ENTPD5: variants seen among roughly 807,000 people sequenced by gnomAD.
The protein encoded by ENTPD5 is ectonucleoside triphosphate diphosphohydrolase 5 (inactive), also known as nucleoside diphosphate phosphatase ENTPD5.
Under a neutral mutation model 60.2 loss-of-function variants are expected in ENTPD5, and 49 were observed. That is an observed-to-expected ratio of 0.81 (90% CI 0.65 to 1.03). ENTPD5 has a LOEUF of 1.03. Among genes scored for constraint, ENTPD5 ranks in the 50% least tolerant of loss-of-function variants. The pLI, the probability that ENTPD5 is intolerant of heterozygous loss-of-function variation, is 0.00. For missense variants in ENTPD5, 480 were observed against 507.6 expected (o/e 0.95, Z 0.52); for synonymous variants, 187 against 185.4 (o/e 1.01, Z -0.07).
chr14:73,986,858 A>G lies in ENTPD5; in HGVS notation c.253T>C (p.Ser85Pro). 1.9e-6 allele frequency: 3 copies of G among 1,614,146 alleles called. No homozygotes were observed. In the South Asian group the frequency reaches 3.3e-5, roughly 18 times the overall value. ...AAAGCAGAAAGTCCTGGCTTCACAG[A>G]ATCAAAAACTTCCCCTTCTAGAATT... ...LPILEGEVFD[S>P]VKPGLSAFVD... Residue 85 changes from serine to proline, a missense_variant, in exon 5 of 16, where the codon TCT becomes CCT. Coordinates refer to ENST00000334696, the MANE Select transcript of ENTPD5 (RefSeq NM_001249.5).
intron 14 of ENTPD5, among the ~76,000 whole-genome samples, chr14:73,971,455 C>T (rs1448968969): frequency 6.6e-6 from 1 of 152,182 alleles, no homozygotes; most frequent in Non-Finnish European, 1.5e-5. Flanking sequence ...CCGTGCCCGG[C>T]CTCCTAAAAC....
chr14:74,011,504 T>G (rs1277448470), intron 2 of ENTPD5, among the ~76,000 whole-genome samples: 1 of 152,138 alleles, frequency 6.6e-6, no homozygotes, highest in African/African-American at 2.4e-5. Flanking sequence ...AATTCATAAG[T>G]AAAGTACACA....
At position 73,983,143 on chromosome 14, in the gene ENTPD5, C is replaced by T; in HGVS notation, c.316G>A (p.Gly106Arg). Residue 106 changes from glycine to arginine, a missense_variant, in exon 6 of 16, where the codon GGG (glycine) becomes AGG (arginine). Gly to Arg is a moderately radical substitution (Grantham distance 125). Transcript: ENST00000334696. ...QPKQGAETVQ[G>R]LLEVAKDSIP... ...GAGTCTTTGGCCACCTCTAAGAGCC[C>T]TTGAACGGTCTCAGCACCCTTCAAA... 6.2e-7 allele frequency: 1 copy of T among 1,613,850 alleles called. No homozygotes were observed. The highest frequency in any genetic ancestry group is 2.2e-5 in the East Asian group (1 of 44,888).
chr14:73,986,925 G>A, intron 4 of ENTPD5, 32 bp from the exon 5 acceptor site: 1 of 1,571,186 alleles, frequency 6.4e-7, no homozygotes, highest in South Asian at 1.1e-5. Context: ...ACAGAAGAGA[G>A]AGCTGGTTAC....
Position 73,963,342 on chromosome 14 carries a change from G to T in ENTPD5, c.*3586C>A. On this transcript the variant is annotated 3_prime_UTR_variant, in exon 16 of 16. Coordinates refer to ENST00000334696, the MANE Select transcript of ENTPD5 (RefSeq NM_001249.5). The stretch of plus-strand genomic sequence containing the variant: ...TACATTTTGTTTTTGTTTTAATGTT[G>T]GTCATAAATTTATACAGTTGTTTTT... 1 of 416,948 alleles carries T rather than the reference G, an allele frequency of 2.4e-6. No individual in the cohort carries two copies. The highest frequency in any genetic ancestry group is 4.2e-6 in the Non-Finnish European group (1 of 236,200). The allele number at this position is 416,948 out of a possible 1,614,324, so 25.8% of individuals were successfully genotyped here.
In ENTPD5 at chr14:73,977,453, A is replaced by G. The variant is rs538226225; in HGVS notation, c.442-79T>C. ...TTTCCATATTTTGACAGTGTCCTGTAAGACTTAGAAAACTACTCCATTTTT... is the reference window on the plus strand; with the variant it reads ...TTTCCATATTTTGACAGTGTCCTGTGAGACTTAGAAAACTACTCCATTTTT... On this transcript the variant is annotated intron_variant, in intron 6 of 15. Transcript: ENST00000334696. The G allele has an allele frequency of 1.5e-5, 17 of 1,100,606 alleles. No homozygotes were observed. In the African/African-American group the frequency reaches 2.4e-4, roughly 16 times the overall value. 68.2% of individuals were successfully genotyped at this position (1,100,606 alleles called of 1,614,324 possible). A position where few individuals can be genotyped will look rare whatever the true frequency, so the allele number is the denominator to read the frequency against.
chr14:73,979,791 A>G (rs1405015750), intron 6 of ENTPD5, among the ~76,000 whole-genome samples: 2 of 152,052 alleles, frequency 1.3e-5, no homozygotes, highest in Admixed American at 6.6e-5. Context: ...TCTTATGTTG[A>G]ATAAATGAGG....
intron 3 of ENTPD5, among the ~76,000 whole-genome samples, chr14:74,010,373 G>A (rs1417377112): frequency 6.6e-6 from 1 of 152,152 alleles, no homozygotes. Context: ...TGACCAACAT[G>A]GAGAAACCCT....
chr14:73,991,403 C>T (rs1036300402), intron 3 of ENTPD5, among the ~76,000 whole-genome samples: 10 of 152,068 alleles, frequency 6.6e-5, no homozygotes, highest in Non-Finnish European at 8.8e-5. Context: ...GCCTGGCCAA[C>T]GTGGTGAAAC....
chr14:73,991,852 T>TA (rs1178826544), intron 3 of ENTPD5, among the ~76,000 whole-genome samples: 1 of 150,736 alleles, frequency 6.6e-6, no homozygotes, highest in Non-Finnish European at 1.5e-5. Flanking sequence ...TATGTTTATT[T>TA]AAAAATTTTT....
At chr14:74,001,542 C>T (rs145747149) in intron 3 of ENTPD5, among the ~76,000 whole-genome samples, 2,212 of 151,526 alleles carry the variant, frequency 0.015, 56 homozygotes, top group African/African-American at 0.05. Context: ...GTGGCGGGCA[C>T]CTGTAGTCCG....
chr14:73,956,095 C>T (rs112435952), downstream of ENTPD5: 491 of 870,444 alleles, frequency 5.6e-4, 1 homozygote, highest in Non-Finnish European at 5.3e-4. Context: ...GAGGCTAAGG[C>T]GGGCGGATCA....
Position 73,972,912 on chromosome 14 carries a change from A to G in ENTPD5, c.999T>C (p.Tyr333=), listed in dbSNP as rs2057286652. The part of the protein sequence containing the change: ...RGSFYAFSYY[Y]DRAVDTDMID... ...TCATGTCTGTGTCAACAGCTCGGTC[A>G]TAATAGTAAGAGAAAGCATAGAAGG... Residue 333 remains tyrosine (Y), a synonymous_variant, in exon 13 of 16, where the codon TAT becomes TAC. Transcript: ENST00000334696. 7 of 1,614,080 alleles carry G rather than the reference A, an allele frequency of 4.3e-6. No homozygotes were observed. Among genetic ancestry groups the G allele is most frequent in the South Asian group, 2.2e-5 (2 of 91,084 alleles).
intron 1 of ENTPD5, chr14:74,018,820 G>A (rs57482759): frequency 0.092 from 13,980 of 152,258 alleles, 810 homozygotes; most frequent in South Asian, 0.26. Flanking sequence ...GAAAGTCCTC[G>A]ACTGCCTATC....
Position 73,976,415 on chromosome 14 carries a change from G to T in ENTPD5, c.554-3C>A, listed in dbSNP as rs760346790. On this transcript the variant is annotated splice_polypyrimidine_tract_variant and splice_region_variant and intron_variant, in intron 8 of 15. Coordinates refer to ENST00000334696, the MANE Select transcript of ENTPD5 (RefSeq NM_001249.5). The stretch of plus-strand genomic sequence containing the variant: ...CTGTCTGTGGCCATGCAGCTGACCT[G>T]TCAAATGAGAGCCAGCTCTAAATAG... 1 of 1,613,664 alleles carries T rather than the reference G, an allele frequency of 6.2e-7. No individual in the cohort carries two copies. The highest frequency in any genetic ancestry group is 1.3e-5 in the African/African-American group (1 of 75,050).
chr14:73,963,075 G>C, downstream of ENTPD5: 1 of 1,195,812 alleles, frequency 8.4e-7, no homozygotes, highest in Non-Finnish European at 1.2e-6. Context: ...ATATTTTCAA[G>C]ATCTTATTTA....
intron 6 of ENTPD5, among the ~76,000 whole-genome samples, chr14:73,980,611 G>A (rs1298804463): frequency 6.6e-6 from 1 of 151,914 alleles, no homozygotes; most frequent in Non-Finnish European, 1.5e-5. Context: ...GTCTGGACTG[G>A]TCTCAAATTC....
intron 6 of ENTPD5, among the ~76,000 whole-genome samples, chr14:73,978,592 A>G (rs980500292): frequency 6.9e-6 from 1 of 145,254 alleles, no homozygotes; most frequent in African/African-American, 2.5e-5. Context: ...CAAGAGTGAG[A>G]CTCTGTCTCA....
chr14:73,978,369 C>T (rs556522756), intron 6 of ENTPD5, among the ~76,000 whole-genome samples: 6 of 151,814 alleles, frequency 4.0e-5, no homozygotes, highest in East Asian at 1.9e-4. Flanking sequence ...TTTTGGAGGC[C>T]GAGGCAGGTG....
Sources: allele counts gnomAD v4.1 joint callset (sites outside exome capture counted in the v4.1 genomes callset), GRCh38; gene constraint gnomAD v4.1.1; transcripts MANE v1.5; gene names NCBI Gene and HGNC (gene_info 2026-07-23, HGNC 2026-07-21).